The following SPG7 variants were observed in gnomAD, a reference collection of about 807,000 sequenced individuals.
The protein encoded by SPG7 is mitochondrial inner membrane m-AAA protease component paraplegin.
A neutral mutation model predicts 81.9 loss-of-function variants in SPG7; 103 were observed. The observed-to-expected ratio is 1.26, with a 90% CI of 1.07 to 1.48. The LOEUF (loss-of-function observed/expected upper bound fraction) is 1.48, where lower values mean the gene tolerates loss of function less well. Among genes scored for constraint, SPG7 ranks in the 40% most tolerant of loss-of-function variants. SPG7 has a pLI of 0.00. For synonymous variants in SPG7, 534 were observed against 444.2 expected (o/e 1.20, Z -2.54); for missense variants, 1,241 against 1,087.3 (o/e 1.14, Z -1.99).
intron 3 of SPG7, chr16:89,520,769 C>T (rs1201195985): frequency 6.6e-6 from 1 of 152,140 alleles, no homozygotes. Context: ...TGGTTTCTAA[C>T]TCCTGGACTC....
chr16:89,537,290 C>T (rs75542033), intron 9 of SPG7: 16 of 1,315,386 alleles, frequency 1.2e-5, no homozygotes, highest in East Asian at 6.4e-5. Context: ...CCAGAGCCCC[C>T]GGGAAGGGCG....
rs2058347868 is a variant in SPG7 at position 89,531,924 on chromosome 16, G to C, written c.1008G>C (p.Gln336His). The C allele has an allele frequency of 1.2e-6, 2 of 1,613,998 alleles. No individual in the cohort carries two copies. The highest frequency in any genetic ancestry group is 2.2e-5 in the South Asian group (2 of 91,090). Reference protein sequence around the residue: ...DYLKSPERFLQLGAKVPKGAL... With the variant: ...DYLKSPERFLHLGAKVPKGAL... ...TCCAGAGCCCAGAACGCTTCCTCCA[G>C]CTTGGCGCCAAGGTCCCAAAGGGCG... is the stretch of plus-strand genomic sequence containing the variant. Residue 336 changes from glutamine (Q) to histidine (H), a missense_variant, in exon 8 of 17, where the codon CAG becomes CAC. Gln to His is a conservative substitution (Grantham distance 24). Coordinates refer to ENST00000645818, the MANE Select transcript of SPG7 (RefSeq NM_003119.4).
intron 16 of SPG7, chr16:89,556,336 G>A (rs2058687407): frequency 2.8e-6 from 1 of 359,742 alleles, no homozygotes; most frequent in Non-Finnish European, 5.0e-6. Context: ...ATCTGGAAGA[G>A]TTCTGCCTTC....
At chr16:89,554,602 C>T in intron 16 of SPG7, 39 bp downstream of exon 16, 2 of 1,428,314 alleles carry the variant, frequency 1.4e-6, no homozygotes, top group Non-Finnish European at 2.0e-6. Flanking sequence ...CGGCGTCACA[C>T]AGTGTCCACA....
intron 16 of SPG7, 162 bp from the exon 17 acceptor site, chr16:89,556,725 T>C: frequency 1.4e-6 from 1 of 690,302 alleles, no homozygotes; most frequent in South Asian, 1.6e-5. Flanking sequence ...GGGGTGATTC[T>C]TCTTTCGGAG....
intron 2 of SPG7, among the ~76,000 whole-genome samples, chr16:89,511,109 A>G (rs906837191): frequency 2.0e-5 from 3 of 152,206 alleles, no homozygotes; most frequent in Non-Finnish European, 2.9e-5. Flanking sequence ...AAGTGTTGAG[A>G]TCACAGGCAT....
At chr16:89,530,350 T>TAGCCAGG in intron 6 of SPG7, 1 of 382,878 alleles carries the variant, frequency 2.6e-6, no homozygotes, top group Admixed American at 3.7e-5. Context: ...TTCACCGTGT[T>TAGCCAGG]AGCCAGGGTG....
At chr16:89,510,412 A>C (rs530454111) in intron 1 of SPG7, 78 bp from the exon 2 acceptor site, 1 of 880,292 alleles carries the variant, frequency 1.1e-6, no homozygotes, top group African/African-American at 1.7e-5. Flanking sequence ...AACTTTTAAA[A>C]ACGATTTTTA....
rs527731763 is a variant in SPG7, at chr16:89,526,440, T to G, written c.730T>G (p.Ser244Ala). Reference sequence around the variant, plus strand: ...CGAGGCCAAGGACAGGATCCCAGTTTCCTACAAGCGAACAGGATTCTTTGG... The same window carrying G: ...CGAGGCCAAGGACAGGATCCCAGTTGCCTACAAGCGAACAGGATTCTTTGG... ...NIEAKDRIPV[S>A]YKRTGFFGNA... Residue 244 changes from serine (S) to alanine (A), a missense_variant, in exon 5 of 17, where the codon TCC becomes GCC. By Grantham distance (99) the Ser-to-Ala change is moderately conservative. Transcript: ENST00000645818. 82 of 1,614,086 alleles carry G rather than the reference T, an allele frequency of 5.1e-5. No individual in the cohort carries two copies. Among genetic ancestry groups the G allele is most frequent in the Non-Finnish European group, 6.7e-5 (79 of 1,180,048 alleles).
At chr16:89,556,842 T>C in intron 16 of SPG7, 45 bp from the exon 17 acceptor site, 1 of 1,465,768 alleles carries the variant, frequency 6.8e-7, no homozygotes, top group South Asian at 1.1e-5. Context: ...AGAGATGCTC[T>C]GTCTGCCCTG....
In SPG7 at chr16:89,557,209, G is replaced by A. The variant is rs2058696471; in HGVS notation, c.*116G>A. The A allele has an allele frequency of 1.4e-6, 1 of 690,592 alleles. No homozygotes were observed. The highest frequency in any genetic ancestry group is 2.6e-6 in the Non-Finnish European group (1 of 390,374). The allele number at this position is 690,592 out of a possible 1,614,324, so 42.8% of individuals were successfully genotyped here. On this transcript the variant is annotated 3_prime_UTR_variant, in exon 17 of 17. Coordinates refer to ENST00000645818, the MANE Select transcript of SPG7 (RefSeq NM_003119.4). ...CCTCTCGCGGCCCTCAGTAGTCCCT[G>A]CACAGTGACTTCTGAGATCTGTTGA...
At chr16:89,514,046 C>G (rs2058057313) in intron 3 of SPG7, among the ~76,000 whole-genome samples, 1 of 152,120 alleles carries the variant, frequency 6.6e-6, no homozygotes, top group Non-Finnish European at 1.5e-5. Context: ...GAGAGGAGCT[C>G]TGACTCTCCC....
chr16:89,515,857 G>A (rs554037812), intron 3 of SPG7, among the ~76,000 whole-genome samples: 79 of 150,604 alleles, frequency 5.2e-4, no homozygotes, highest in African/African-American at 1.7e-3. Flanking sequence ...ACAGGCGTGC[G>A]CCACCACGCC....
chr16:89,547,970 A>G (rs1567929427), intron 11 of SPG7, 33 bp from the exon 12 acceptor site: 3 of 1,549,246 alleles, frequency 1.9e-6, no homozygotes, highest in Middle Eastern at 1.7e-4. Context: ...GCAGAAACCC[A>G]CCCACCCACA....
intron 10 of SPG7, chr16:89,545,934 C>A (rs776676548): frequency 1.5e-5 from 7 of 452,494 alleles, no homozygotes; most frequent in African/African-American, 4.0e-5. Context: ...CTCACTGCGG[C>A]CTCAACCTTC....
intron 3 of SPG7, chr16:89,514,488 T>C (rs1379606624): frequency 6.6e-6 from 1 of 151,974 alleles, no homozygotes; most frequent in African/African-American, 2.4e-5. Flanking sequence ...ACCCTGCTAA[T>C]TTTTTGTTTT....
Position 89,512,948 on chromosome 16 carries a change from G to C in SPG7, c.287G>C (p.Gly96Ala), listed in dbSNP as rs2058041098. The C allele has an allele frequency of 1.9e-6, 3 of 1,613,066 alleles. No individual in the cohort carries two copies. In the South Asian group the frequency reaches 3.3e-5, roughly 18 times the overall value. ...QNPVRLWQLL[G>A]GTFYFNTSRL... ...TAAATCCTTTCTCTATTTCTCATAGGTGGTACTTTCTATTTTAACACCTCA... is the reference window on the plus strand; with the variant it reads ...TAAATCCTTTCTCTATTTCTCATAGCTGGTACTTTCTATTTTAACACCTCA... Residue 96 changes from glycine to alanine, a missense_variant and splice_region_variant, in exon 3 of 17, where the codon GGT (glycine) becomes GCT (alanine). Coordinates refer to ENST00000645818, the MANE Select transcript of SPG7 (RefSeq NM_003119.4).
At chr16:89,526,697 C>G (rs1196336235) in intron 5 of SPG7, 2 of 497,376 alleles carry the variant, frequency 4.0e-6, no homozygotes, top group African/African-American at 3.9e-5. Context: ...CCAAGGATAC[C>G]AGCACCTGAG....
At chr16:89,523,453 A>C (rs552544523) in intron 3 of SPG7, 9 of 338,336 alleles carry the variant, frequency 2.7e-5, no homozygotes, top group Admixed American at 1.2e-4. Context: ...AATCGTTTTT[A>C]ATAACTTTTG....
Sources: gnomAD v4.1 joint callset for allele counts (sites outside exome capture counted in the v4.1 genomes callset) on GRCh38, gnomAD v4.1.1 for gene constraint, MANE v1.5 for transcripts, NCBI Gene and HGNC (gene_info 2026-07-23, HGNC 2026-07-21) for gene names.